Variants in GABRG1 observed in about 807,000 individuals in gnomAD.
The protein encoded by GABRG1 is gamma-aminobutyric acid type A receptor subunit gamma1.
A neutral mutation model predicts 49.8 loss-of-function variants in GABRG1; 49 were observed. That is an observed-to-expected ratio of 0.98 (90% CI 0.78 to 1.25). GABRG1 has a LOEUF of 1.25. GABRG1 is among the 50% of genes most tolerant of loss of function. The pLI is 0.00. For synonymous variants in GABRG1, 232 were observed against 185.1 expected (o/e 1.25, Z -2.06); for missense variants, 552 against 552.3 (o/e 1.00, Z 0.01).
At chr4:46,076,181 A>C (rs1339349815) in intron 3 of GABRG1, among the ~76,000 whole-genome samples, 1 of 151,734 alleles carries the variant, frequency 6.6e-6, no homozygotes, top group Non-Finnish European at 1.5e-5. Context: ...TTTTCTAAAC[A>C]GTAGCTCTTT....
At position 46,123,910 on chromosome 4, in the gene GABRG1, C is replaced by G. The variant is rs750918660; in HGVS notation, c.4G>C (p.Gly2Arg). Residue 2 changes from glycine (G) to arginine (R), a missense_variant, in exon 1 of 9, where the codon GGT (glycine) becomes CGT (arginine). Transcript: ENST00000295452. M[G>R]PLKAFLFSPF... The stretch of plus-strand genomic sequence containing the variant: ...GAGAAGAGAAAAGCTTTCAAAGGAC[C>G]CATCGGAATCGCTTTTTTACGTGTG... The G allele has an allele frequency of 6.2e-7, 1 of 1,613,070 alleles. No homozygotes were observed. Among genetic ancestry groups the G allele is most frequent in the Admixed American group, 1.7e-5 (1 of 59,940 alleles).
rs753005289 is a variant in GABRG1, at chr4:46,058,280, C to T, written c.853G>A (p.Val285Ile). The T allele has an allele frequency of 3.1e-6, 5 of 1,613,316 alleles. No individual in the cohort carries two copies. The highest frequency in any genetic ancestry group is 4.2e-6 in the Non-Finnish European group (5 of 1,179,546). Residue 285 changes from valine (V) to isoleucine (I), a missense_variant, in exon 7 of 9, where the codon GTT (valine) becomes ATT (isoleucine). Val to Ile is a conservative substitution (Grantham distance 29). Coordinates refer to ENST00000295452, the MANE Select transcript of GABRG1 (RefSeq NM_173536.4). ...IQTYIPCILT[V>I]VLSWVSFWIN... ...CAAAAAGACACCCAAGAAAGAACAA[C>T]TGTCAGAATGCATGGAATGTAGGTC...
At chr4:46,109,728 T>C (rs1190648110) in intron 1 of GABRG1, among the ~76,000 whole-genome samples, 2 of 151,182 alleles carry the variant, frequency 1.3e-5, no homozygotes, top group Non-Finnish European at 3.0e-5. Flanking sequence ...TCTTCATTTA[T>C]TTCAAATAAT....
chr4:46,078,133 T>C (rs1036606366), intron 3 of GABRG1, among the ~76,000 whole-genome samples: 2 of 151,878 alleles, frequency 1.3e-5, no homozygotes, highest in Admixed American at 6.6e-5. Context: ...AGTTTCAAGC[T>C]TTAAAATACT....
At chr4:46,069,726 T>C (rs560009141) in intron 3 of GABRG1, among the ~76,000 whole-genome samples, 166 of 152,224 alleles carry the variant, frequency 1.1e-3, no homozygotes, top group African/African-American at 3.8e-3. Flanking sequence ...CAGACATTTT[T>C]CAGTGTTCTT....
chr4:46,050,337 T>A (rs1718167615), intron 8 of GABRG1, among the ~76,000 whole-genome samples: 1 of 151,858 alleles, frequency 6.6e-6, no homozygotes, highest in African/African-American at 2.4e-5. Context: ...TCTCTTGGAA[T>A]ATAACATGAA....
Position 46,117,133 on chromosome 4 carries a change from T to C in GABRG1, c.104+6677A>G, listed in dbSNP as rs528521564. Reference sequence around the variant, plus strand: ...TCTTAAAGCCATCTAGAGAAACAAATCACATCTTGACATGACTATTAAAAT... The same window carrying C: ...TCTTAAAGCCATCTAGAGAAACAAACCACATCTTGACATGACTATTAAAAT... On this transcript the variant is annotated intron_variant, in intron 1 of 8. Coordinates refer to ENST00000295452, the MANE Select transcript of GABRG1 (RefSeq NM_173536.4). 2.7e-5 allele frequency among the ~76,000 whole-genome samples: 4 copies of C among 150,614 alleles called. No homozygotes were observed. In the South Asian group the frequency reaches 8.3e-4, roughly 31 times the overall value.
intron 2 of GABRG1, among the ~76,000 whole-genome samples, chr4:46,095,245 G>A (rs577895424): frequency 2.7e-4 from 41 of 151,662 alleles, no homozygotes; most frequent in Non-Finnish European, 4.9e-4. Context: ...AGAATATTGT[G>A]CAAATACAAG....
chr4:46,122,500 TG>T (rs1224957156), intron 1 of GABRG1, among the ~76,000 whole-genome samples: 1 of 151,938 alleles, frequency 6.6e-6, no homozygotes, highest in African/African-American at 2.4e-5. Context: ...TTTATGTTCG[TG>T]TCAAACATTT....
intron 1 of GABRG1, among the ~76,000 whole-genome samples, chr4:46,103,445 C>T (rs1243680390): frequency 6.6e-6 from 1 of 151,480 alleles, no homozygotes; most frequent in Non-Finnish European, 1.5e-5. Flanking sequence ...TATTTCCACA[C>T]AGGGAAAAGT....
At position 46,074,605 on chromosome 4, in the gene GABRG1, G is replaced by A. The variant is rs149485400; in HGVS notation, c.322-9021C>T. On this transcript the variant is annotated intron_variant, in intron 3 of 8. Coordinates refer to ENST00000295452, the MANE Select transcript of GABRG1 (RefSeq NM_173536.4). ...GTTACAATTTTTATTATAACAAAAT[G>A]TCCGAAGTCAAGATATTTAAATAAG... 3.6e-3 allele frequency among the ~76,000 whole-genome samples: 554 copies of A among 152,146 alleles called. 5 individuals carry two copies. Among genetic ancestry groups the A allele is most frequent in the African/African-American group, 0.013 (531 of 41,536 alleles).
At chr4:46,110,893 A>G (rs897579136) in intron 1 of GABRG1, among the ~76,000 whole-genome samples, 3 of 151,092 alleles carry the variant, frequency 2.0e-5, no homozygotes, top group African/African-American at 7.3e-5. Context: ...GCCAACATCA[A>G]ACTAAATGGT....
intron 8 of GABRG1, among the ~76,000 whole-genome samples, chr4:46,048,607 G>A (rs1718094205): frequency 6.8e-6 from 1 of 146,674 alleles, no homozygotes; most frequent in African/African-American, 2.5e-5. Flanking sequence ...AGGAAGGAAG[G>A]AAGGAGAAGG....
chr4:46,092,001 G>T (rs751136962), intron 2 of GABRG1, among the ~76,000 whole-genome samples: 1 of 151,972 alleles, frequency 6.6e-6, no homozygotes, highest in Non-Finnish European at 1.5e-5. Flanking sequence ...AATAGTAAAA[G>T]TCAGGAGAAA....
intron 1 of GABRG1, among the ~76,000 whole-genome samples, chr4:46,118,132 G>GTGTATATATATATATATATATA (rs377481920): frequency 3.6e-5 from 4 of 109,982 alleles, no homozygotes; most frequent in African/African-American, 2.2e-4. Context: ...GTGTGTGTGT[G>GTGTATATATATATATATATATA]TATATATATA....
At chr4:46,101,633 AT>A (rs1307448899) in intron 1 of GABRG1, among the ~76,000 whole-genome samples, 4 of 151,722 alleles carry the variant, frequency 2.6e-5, no homozygotes, top group Non-Finnish European at 4.4e-5. Flanking sequence ...AGATGGTCTC[AT>A]TTTCTAATAA....
chr4:46,048,818 G>A (rs751929547), intron 8 of GABRG1, among the ~76,000 whole-genome samples: 9 of 151,998 alleles, frequency 5.9e-5, no homozygotes, highest in African/African-American at 1.7e-4. Context: ...AAGTTAAAAC[G>A]GGTGTTTATC....
At chr4:46,119,515 A>G (rs1721033559) in intron 1 of GABRG1, among the ~76,000 whole-genome samples, 1 of 151,460 alleles carries the variant, frequency 6.6e-6, no homozygotes, top group Non-Finnish European at 1.5e-5. Context: ...AACAATATCG[A>G]GGCTATATTC....
chr4:46,041,312 A>C (rs1024638293), intron 8 of GABRG1, 58 bp from the exon 9 acceptor site: 3 of 1,552,064 alleles, frequency 1.9e-6, no homozygotes, highest in African/African-American at 1.4e-5. Context: ...GGAAAGATCA[A>C]TTTGCTCCTT....
Sources: gnomAD v4.1 joint callset for allele counts (sites outside exome capture counted in the v4.1 genomes callset) on GRCh38, gnomAD v4.1.1 for gene constraint, MANE v1.5 for transcripts, NCBI Gene and HGNC (gene_info 2026-07-23, HGNC 2026-07-21) for gene names.